Variants in CDKAL1 observed in about 807,000 individuals in gnomAD.
CDKAL1 encodes CDKAL1 threonylcarbamoyladenosine tRNA methylthiotransferase, also known as threonylcarbamoyladenosine tRNA methylthiotransferase.
A neutral mutation model predicts 68.2 loss-of-function variants in CDKAL1; 32 were observed. That is an observed-to-expected ratio of 0.47 (90% confidence interval 0.35 to 0.63). CDKAL1 has a LOEUF of 0.63. Ranked by LOEUF, CDKAL1 falls within the 30% of genes least tolerant of loss-of-function variation. CDKAL1 has a pLI of 0.00. For missense variants in CDKAL1, 606 were observed against 696.7 expected (o/e 0.87, Z 1.47); for synonymous variants, 234 against 244.3 (o/e 0.96, Z 0.39).
intron 9 of CDKAL1, among the ~76,000 whole-genome samples, chr6:20,894,971 A>C (rs532673175): frequency 1.2e-3 from 179 of 152,262 alleles, no homozygotes; most frequent in African/African-American, 4.0e-3. Context: ...ATAATATGTT[A>C]CAGATAAAGT....
chr6:21,195,907 TG>T lies in CDKAL1; in HGVS notation c.1300-2113del, dbSNP rs1287304436. On this transcript the variant is annotated intron_variant, in intron 13 of 15. Coordinates refer to ENST00000274695, the MANE Select transcript of CDKAL1 (RefSeq NM_017774.3). ...CAAATAGGATGACTGAAAAGGTGTT[TG>T]CCACTATGAATTAGTGCACATTGCG... Among the ~76,000 whole-genome samples, 64 of 152,328 alleles carry T rather than the reference TG, an allele frequency of 4.2e-4. No homozygotes were observed. In the East Asian group the frequency reaches 0.01, roughly 24 times the overall value.
At chr6:20,985,061 A>T (rs1766379133) in intron 10 of CDKAL1, among the ~76,000 whole-genome samples, 1 of 152,140 alleles carries the variant, frequency 6.6e-6, no homozygotes, top group Admixed American at 6.5e-5. Context: ...TTCCAATTAA[A>T]TGACTTCTTA....
chr6:20,774,247 G>A (rs1775073504), intron 7 of CDKAL1, among the ~76,000 whole-genome samples: 1 of 152,216 alleles, frequency 6.6e-6, no homozygotes, highest in African/African-American at 2.4e-5. Context: ...CAAGTTGCCA[G>A]ATCATTGGTA....
intron 13 of CDKAL1, among the ~76,000 whole-genome samples, chr6:21,192,225 G>C (rs1403202274): frequency 6.7e-6 from 1 of 149,904 alleles, no homozygotes; most frequent in Non-Finnish European, 1.5e-5. Context: ...GTTTCACCTT[G>C]TTAGCCAGGA....
intron 9 of CDKAL1, among the ~76,000 whole-genome samples, chr6:20,853,336 G>A (rs1035858226): frequency 4.6e-5 from 7 of 150,688 alleles, no homozygotes; most frequent in African/African-American, 1.7e-4. Context: ...AGCCAAGATC[G>A]TGCCACTGCA....
rs1432462131 is a variant in CDKAL1, at chr6:21,137,023, G to A, written c.1299+28560G>A. On this transcript the variant is annotated intron_variant, in intron 13 of 15. Coordinates refer to ENST00000274695, the MANE Select transcript of CDKAL1 (RefSeq NM_017774.3). ...CAGCGTCTACCATTGCCATCCCCTC[G>A]CCCCCACCCCTTACTAAAGTGTCCC... 4.6e-5 allele frequency among the ~76,000 whole-genome samples: 7 copies of A among 151,498 alleles called. No individual in the cohort carries two copies. The East Asian group carries it at 5.8e-4, about 13-fold the overall frequency.
chr6:21,190,800 A>G (rs939033438), intron 13 of CDKAL1, among the ~76,000 whole-genome samples: 2 of 152,246 alleles, frequency 1.3e-5, no homozygotes, highest in Admixed American at 6.5e-5. Context: ...TATCTTACAC[A>G]GGTCCATATA....
chr6:21,227,983 C>G (rs538106348), intron 15 of CDKAL1, among the ~76,000 whole-genome samples: 1 of 152,260 alleles, frequency 6.6e-6, no homozygotes, highest in Admixed American at 6.5e-5. Flanking sequence ...TGTTATCAAC[C>G]CAACTAAATG....
intron 10 of CDKAL1, among the ~76,000 whole-genome samples, chr6:20,980,347 C>T (rs899334282): frequency 1.6e-4 from 24 of 152,088 alleles, no homozygotes; most frequent in African/African-American, 5.3e-4. Context: ...ACGCCATTCT[C>T]CTGCCTCAGC....
At chr6:21,124,450 C>A (rs1322228661) in intron 13 of CDKAL1, among the ~76,000 whole-genome samples, 1 of 151,946 alleles carries the variant, frequency 6.6e-6, no homozygotes, top group Non-Finnish European at 1.5e-5. Flanking sequence ...TGAATGGTAC[C>A]CCAGCCCCAC....
At chr6:20,977,662 G>C (rs1183882988) in intron 10 of CDKAL1, among the ~76,000 whole-genome samples, 3 of 152,154 alleles carry the variant, frequency 2.0e-5, no homozygotes, top group Non-Finnish European at 4.4e-5. Context: ...CGGATCCCTT[G>C]AGCACAGGAG....
intron 4 of CDKAL1, among the ~76,000 whole-genome samples, chr6:20,564,012 A>G (rs1764366999): frequency 6.6e-6 from 1 of 152,178 alleles, no homozygotes; most frequent in African/African-American, 2.4e-5. Context: ...AATTACTAAA[A>G]TGTTCTGAGC....
intron 4 of CDKAL1, among the ~76,000 whole-genome samples, chr6:20,644,921 C>T (rs911882437): frequency 8.5e-5 from 13 of 152,130 alleles, no homozygotes; most frequent in Non-Finnish European, 1.8e-4. Flanking sequence ...CAAGTGTACC[C>T]ACACAAACCT....
chr6:20,806,656 A>C (rs1776585855), intron 8 of CDKAL1, among the ~76,000 whole-genome samples: 1 of 152,110 alleles, frequency 6.6e-6, no homozygotes, highest in Non-Finnish European at 1.5e-5. Flanking sequence ...CTTTTTAGTA[A>C]TAGCCATTCT....
intron 10 of CDKAL1, among the ~76,000 whole-genome samples, chr6:20,979,231 A>G (rs1045035565): frequency 2.0e-5 from 3 of 152,228 alleles, no homozygotes; most frequent in Non-Finnish European, 2.9e-5. Context: ...ACTTGAGCAC[A>G]TTGACTCTTG....
At chr6:20,807,340 C>T (rs1414459736) in intron 8 of CDKAL1, among the ~76,000 whole-genome samples, 1 of 152,126 alleles carries the variant, frequency 6.6e-6, no homozygotes, top group East Asian at 1.9e-4. Context: ...TCACCTGCCT[C>T]AGCCTCCCGA....
At chr6:20,614,901 G>C (rs1226683764) in intron 4 of CDKAL1, among the ~76,000 whole-genome samples, 1 of 148,562 alleles carries the variant, frequency 6.7e-6, no homozygotes, top group East Asian at 2.0e-4. Flanking sequence ...CTAGCATTAG[G>C]TATATCTCCC....
chr6:21,065,304 C>A, intron 12 of CDKAL1, 76 bp downstream of exon 12: 1 of 1,123,618 alleles, frequency 8.9e-7, no homozygotes, highest in Non-Finnish European at 1.3e-6. Context: ...TACCTTCACA[C>A]AACTTGCTCA....
chr6:20,894,637 A>G (rs1014711987), intron 9 of CDKAL1, among the ~76,000 whole-genome samples: 4 of 152,152 alleles, frequency 2.6e-5, no homozygotes, highest in Non-Finnish European at 5.9e-5. Flanking sequence ...AGGTTTAACA[A>G]CTGCCCCCAT....
Sources: gnomAD v4.1 joint callset for allele counts (sites outside exome capture counted in the v4.1 genomes callset) on GRCh38, gnomAD v4.1.1 for gene constraint, MANE v1.5 for transcripts, NCBI Gene and HGNC (gene_info 2026-07-23, HGNC 2026-07-21) for gene names.